EPB41L2: variants seen among roughly 807,000 people sequenced by gnomAD.
The protein encoded by EPB41L2 is erythrocyte membrane protein band 4.1 like 2, also known as band 4.1-like protein 2.
Under a neutral mutation model 113.0 loss-of-function variants are expected in EPB41L2, and 43 were observed. That is an observed-to-expected ratio of 0.38 (90% CI 0.30 to 0.49). The LOEUF is 0.49. Ranked by LOEUF, EPB41L2 falls within the 20% of genes least tolerant of loss-of-function variation. The probability of loss-of-function intolerance (pLI) is 0.95; values close to 1 mark genes in which losing one functional copy is unlikely to be tolerated. For missense variants in EPB41L2, 1,147 were observed against 1,223.4 expected, an observed-to-expected ratio of 0.94 and a Z score of 0.93; for synonymous variants, 442 against 436.7, an observed-to-expected ratio of 1.01 and a Z score of -0.15.
chr6:130,869,683 T>C lies in EPB41L2; in HGVS notation c.2487A>G (p.Val829=), dbSNP rs1785004690. The C allele has an allele frequency of 1.2e-6, 2 of 1,614,110 alleles. No individual in the cohort carries two copies. The highest frequency in any genetic ancestry group is 1.1e-5 in the South Asian group (1 of 91,086). The change falls in exon 15 of 20, where the codon GTA becomes GTG. Residue 829 remains valine, a synonymous_variant. Transcript: ENST00000337057. The part of the protein sequence containing the change: ...GAQKIPGEKS[V]HEGALKQDMG... ...TGTCTTGCTTAAGAGCGCCTTCGTG[T>C]ACACTCTTCTCTCCGGGTATCTTTT...
At chr6:131,009,244 C>T (rs1157063102) in intron 1 of EPB41L2, among the ~76,000 whole-genome samples, 5 of 152,136 alleles carry the variant, frequency 3.3e-5, no homozygotes, top group Non-Finnish European at 5.9e-5. Flanking sequence ...GGGCTTTCCC[C>T]CTTCAGTCGG....
intron 1 of EPB41L2, among the ~76,000 whole-genome samples, chr6:130,984,746 T>A (rs1028988995): frequency 6.6e-6 from 1 of 152,244 alleles, no homozygotes. Flanking sequence ...TCTGTCCCAC[T>A]GTCTCCTTAA....
chr6:131,040,998 AAGG>A lies in EPB41L2; in HGVS notation c.-15+22154_-15+22156del, dbSNP rs979400154. Among the ~76,000 whole-genome samples, 6 of 152,318 alleles carry A rather than the reference AAGG, an allele frequency of 3.9e-5. No individual in the cohort carries two copies. The East Asian group carries it at 7.7e-4, about 20-fold the overall frequency. ...CGTCATGAAAAGGGAATGAAAAAGG[AAGG>A]AGAAGAACTATTTTAGATTGTAAGT... On this transcript the variant is annotated intron_variant, in intron 1 of 19. Coordinates refer to ENST00000337057, the MANE Select transcript of EPB41L2 (RefSeq NM_001431.4).
intron 1 of EPB41L2, among the ~76,000 whole-genome samples, chr6:130,981,522 C>T (rs1213376866): frequency 1.3e-5 from 2 of 152,210 alleles, no homozygotes; most frequent in African/African-American, 4.8e-5. Context: ...TAAAACAAAA[C>T]TCCTTTTATA....
At chr6:130,886,155 C>G (rs1004033120) in intron 11 of EPB41L2, among the ~76,000 whole-genome samples, 4 of 152,156 alleles carry the variant, frequency 2.6e-5, no homozygotes, top group African/African-American at 9.7e-5. Context: ...GGTTCCATGT[C>G]CTAAGGGAAG....
intron 12 of EPB41L2, among the ~76,000 whole-genome samples, chr6:130,883,366 G>C (rs556693018): frequency 3.5e-4 from 54 of 152,284 alleles, no homozygotes; most frequent in African/African-American, 1.2e-3. Flanking sequence ...GAAAAGACTA[G>C]ACTACTTGTG....
At chr6:130,867,927 AGT>A in intron 15 of EPB41L2, 1 of 318,396 alleles carries the variant, frequency 3.1e-6, no homozygotes, top group Non-Finnish European at 6.0e-6. Context: ...TGTCAAGCCT[AGT>A]GTATAGTGAC....
At chr6:131,022,828 T>A (rs545845533) in intron 1 of EPB41L2, among the ~76,000 whole-genome samples, 23 of 152,330 alleles carry the variant, frequency 1.5e-4, no homozygotes, top group Non-Finnish European at 2.6e-4. Context: ...TTAAATGGAA[T>A]TCTGTAACAC....
chr6:130,959,079 G>C (rs1194767192), intron 1 of EPB41L2, among the ~76,000 whole-genome samples: 1 of 152,202 alleles, frequency 6.6e-6, no homozygotes, highest in African/African-American at 2.4e-5. Context: ...TAATGGTAAA[G>C]AGGTAGAGTG....
At chr6:131,012,839 A>T (rs932443949) in intron 1 of EPB41L2, among the ~76,000 whole-genome samples, 6 of 152,260 alleles carry the variant, frequency 3.9e-5, no homozygotes, top group East Asian at 1.9e-4. Flanking sequence ...TAGTAAAAAC[A>T]TTAAAACCAA....
chr6:130,955,142 G>C lies in EPB41L2; in HGVS notation c.668C>G (p.Thr223Ser). Residue 223 changes from threonine to serine, a missense_variant, in exon 3 of 20, where the codon ACC becomes AGC. By Grantham distance (58) the Thr-to-Ser change is moderately conservative (BLOSUM62 1). Transcript: ENST00000337057. ...KKTKTVQCKV[T>S]LLDGTEYSCD... ...GCTGTATTCGGTGCCATCTAAGAGG[G>C]TCACTTTACACTGGACAGTTTTGGT... is the stretch of plus-strand genomic sequence containing the variant. 1 of 1,614,156 alleles carries C rather than the reference G, an allele frequency of 6.2e-7. No homozygotes were observed. Among genetic ancestry groups the C allele is most frequent in the Non-Finnish European group, 8.5e-7 (1 of 1,180,022 alleles).
At chr6:130,993,909 C>T (rs879564605) in intron 1 of EPB41L2, among the ~76,000 whole-genome samples, 7 of 152,154 alleles carry the variant, frequency 4.6e-5, no homozygotes, top group African/African-American at 1.7e-4. Flanking sequence ...AAAAACCAAC[C>T]CAAGCTTCCA....
intron 1 of EPB41L2, among the ~76,000 whole-genome samples, chr6:131,036,522 A>G (rs1460044195): frequency 6.6e-6 from 1 of 152,240 alleles, no homozygotes; most frequent in African/African-American, 2.4e-5. Flanking sequence ...AATCAAACGA[A>G]TGGGATTCAA....
At chr6:130,872,633 GAAC>G in intron 14 of EPB41L2, 2 of 744,362 alleles carry the variant, frequency 2.7e-6, no homozygotes, top group Non-Finnish European at 3.7e-6. Context: ...ACACAAGAAA[GAAC>G]AACAGAACAG....
At chr6:131,052,129 G>T (rs1796691945) in intron 1 of EPB41L2, among the ~76,000 whole-genome samples, 2 of 151,932 alleles carry the variant, frequency 1.3e-5, no homozygotes, top group Non-Finnish European at 2.9e-5. Context: ...TACAGATGGG[G>T]TTTTGCCATG....
rs1298381252 is a variant in EPB41L2, at chr6:130,839,846, G to A, written c.*758C>T. 2.0e-5 allele frequency: 3 copies of A among 152,202 alleles called. No homozygotes were observed. The East Asian group carries it at 5.8e-4, about 29-fold the overall frequency. 9.4% of individuals were successfully genotyped at this position (152,202 alleles called of 1,614,324 possible). ...CCTCCTGTTCTGGAATGCTGCCGAA[G>A]GGCATGTGTCTGACAAGCATTGGCA... On this transcript the variant is annotated 3_prime_UTR_variant, in exon 20 of 20. Coordinates refer to ENST00000337057, the MANE Select transcript of EPB41L2 (RefSeq NM_001431.4).
At chr6:130,985,696 T>TA (rs1181269705) in intron 1 of EPB41L2, among the ~76,000 whole-genome samples, 2 of 152,112 alleles carry the variant, frequency 1.3e-5, no homozygotes, top group Non-Finnish European at 2.9e-5. Flanking sequence ...TACACAAAGA[T>TA]AAATCAGAGG....
chr6:130,855,896 A>C (rs1780084191), intron 19 of EPB41L2, among the ~76,000 whole-genome samples: 1 of 152,026 alleles, frequency 6.6e-6, no homozygotes, highest in Non-Finnish European at 1.5e-5. Flanking sequence ...GTGCAGGGGG[A>C]TAGAGACATG....
chr6:130,892,590 G>A (rs566240695), intron 10 of EPB41L2, among the ~76,000 whole-genome samples: 3 of 151,984 alleles, frequency 2.0e-5, no homozygotes, highest in South Asian at 4.2e-4. Context: ...AGTGTAACTT[G>A]AGGGATTCAA....
Sources: gnomAD v4.1 joint callset for allele counts (sites outside exome capture counted in the v4.1 genomes callset) on GRCh38, gnomAD v4.1.1 for gene constraint, MANE v1.5 for transcripts, NCBI Gene and HGNC (gene_info 2026-07-23, HGNC 2026-07-21) for gene names.